The following INSL6 variants were observed in gnomAD, a reference collection of about 807,000 sequenced individuals.
The protein encoded by INSL6 is insulin-like peptide INSL6.
In INSL6, 16 loss-of-function variants were observed where a neutral mutation model predicts 9.4. That is an observed-to-expected ratio of 1.70 (90% CI 1.15 to 2.59). The LOEUF is 2.59. Among genes scored for constraint, INSL6 ranks in the 30% most tolerant of loss-of-function variants. The pLI is 0.00. For missense variants in INSL6, 391 were observed against 257.3 expected (o/e 1.52, Z -3.56); for synonymous variants, 154 against 96.9 (o/e 1.59, Z -3.46).
chr9:5,098,730 G>C, the INSL6 span: 1 of 148,002 alleles, frequency 6.8e-6, no homozygotes, highest in Non-Finnish European at 1.5e-5. Flanking sequence ...GTCTCGCTCT[G>C]TCGCCCAGGC....
At chr9:5,119,792 A>T (rs1177714044), downstream of INSL6, among the ~76,000 whole-genome samples, 1 of 152,212 alleles carries the variant, frequency 6.6e-6, no homozygotes, top group African/African-American at 2.4e-5. Flanking sequence ...TTTCATATGT[A>T]CTTAATGAAC....
chr9:5,110,313 A>C, the INSL6 span: 1 of 152,182 alleles, frequency 6.6e-6, no homozygotes, highest in Non-Finnish European at 1.5e-5. Context: ...AGGGGCTGTT[A>C]CCACCTTATT....
chr9:5,149,045 C>T (rs1270233183), intron 2 of INSL6, among the ~76,000 whole-genome samples: 6 of 152,210 alleles, frequency 3.9e-5, no homozygotes, highest in Non-Finnish European at 8.8e-5. Context: ...TATGGCCAGT[C>T]TCTGCCAGAG....
chr9:5,022,899 C>T, the INSL6 span, among the ~76,000 whole-genome samples: 1 of 152,060 alleles, frequency 6.6e-6, no homozygotes, highest in Admixed American at 6.5e-5. Flanking sequence ...TTTGTAGAGG[C>T]AAATTAAATG....
the INSL6 span, among the ~76,000 whole-genome samples, chr9:5,042,792 G>C: frequency 1.3e-5 from 2 of 152,216 alleles, no homozygotes; most frequent in Non-Finnish European, 2.9e-5. Context: ...CAAAACTAAA[G>C]GGGAACGGAG....
chr9:5,077,382 A>G, the INSL6 span: 9 of 539,278 alleles, frequency 1.7e-5, no homozygotes, highest in Non-Finnish European at 2.5e-5. Flanking sequence ...GTAAGTATAA[A>G]GATTTAAATT....
intron 2 of INSL6, among the ~76,000 whole-genome samples, chr9:5,152,082 C>T (rs1254652667): frequency 2.6e-5 from 4 of 151,738 alleles, no homozygotes; most frequent in East Asian, 1.9e-4. Flanking sequence ...ACATTAAGAA[C>T]GAATGCATGA....
chr9:5,088,898 T>G, the INSL6 span, among the ~76,000 whole-genome samples: 1 of 152,122 alleles, frequency 6.6e-6, no homozygotes, highest in Non-Finnish European at 1.5e-5. Context: ...CCAAATACAG[T>G]CATATTGGGG....
the INSL6 span, among the ~76,000 whole-genome samples, chr9:5,115,464 G>A: frequency 2.0e-5 from 3 of 152,194 alleles, no homozygotes; most frequent in African/African-American, 4.8e-5. Flanking sequence ...TTGTTGATGG[G>A]AGTGTAAATT....
At chr9:5,089,358 G>A in the INSL6 span, among the ~76,000 whole-genome samples, 2 of 151,972 alleles carry the variant, frequency 1.3e-5, no homozygotes, top group African/African-American at 2.4e-5. Context: ...CTAACACAGC[G>A]AAACCCTGTC....
At chr9:5,058,361 T>A in the INSL6 span, among the ~76,000 whole-genome samples, 5 of 152,118 alleles carry the variant, frequency 3.3e-5, no homozygotes, top group African/African-American at 4.8e-5. Flanking sequence ...ATGTCTTACA[T>A]GGCAGCAGAA....
intron 1 of INSL6, among the ~76,000 whole-genome samples, chr9:5,168,265 T>C (rs1267908688): frequency 1.3e-5 from 2 of 152,086 alleles, no homozygotes; most frequent in African/African-American, 4.8e-5. Flanking sequence ...AGATGGATAA[T>C]AACAAACATC....
chr9:5,089,437 C>G, the INSL6 span, among the ~76,000 whole-genome samples: 2 of 146,928 alleles, frequency 1.4e-5, no homozygotes. Flanking sequence ...ACTGGGGAGG[C>G]TGAGGCAGGA....
the INSL6 span, chr9:5,041,817 C>A: frequency 8.3e-6 from 4 of 484,188 alleles, no homozygotes; most frequent in South Asian, 6.1e-5. Flanking sequence ...CAGCAAAAAC[C>A]AGGCGCTGAA....
the INSL6 span, among the ~76,000 whole-genome samples, chr9:5,038,807 A>G: frequency 1.3e-5 from 2 of 152,138 alleles, no homozygotes; most frequent in Admixed American, 6.5e-5. Context: ...ATGAAATACT[A>G]TGACCAGGTG....
the INSL6 span, among the ~76,000 whole-genome samples, chr9:5,065,494 G>A: frequency 6.6e-6 from 1 of 152,198 alleles, no homozygotes; most frequent in Non-Finnish European, 1.5e-5. Flanking sequence ...CTGCAGCGAT[G>A]AAAATATTCT....
the INSL6 span, among the ~76,000 whole-genome samples, chr9:4,998,840 T>C: frequency 6.6e-6 from 1 of 151,902 alleles, no homozygotes; most frequent in Non-Finnish European, 1.5e-5. Context: ...TCTCAGGAGT[T>C]CTTTTTTTGA....
chr9:4,997,418 C>T, the INSL6 span, among the ~76,000 whole-genome samples: 1 of 152,190 alleles, frequency 6.6e-6, no homozygotes. Context: ...AGGAATATCA[C>T]ATTTCAAGAG....
chr9:5,030,741 A>G, the INSL6 span, among the ~76,000 whole-genome samples: 3 of 152,090 alleles, frequency 2.0e-5, no homozygotes, highest in Non-Finnish European at 2.9e-5. Context: ...CTCTCAATAA[A>G]TTTTAGTATT....
Sources: allele counts gnomAD v4.1 joint callset (sites outside exome capture counted in the v4.1 genomes callset), GRCh38; gene constraint gnomAD v4.1.1; transcripts MANE v1.5; gene names NCBI Gene and HGNC (gene_info 2026-07-23, HGNC 2026-07-21).